Variants in NRXN3 observed in about 807,000 individuals in gnomAD.
The protein encoded by NRXN3 is neurexin III.
In NRXN3, 32 loss-of-function variants were observed where a neutral mutation model predicts 137.6. The ratio of observed to expected loss-of-function variants is 0.23; its 90% confidence interval spans 0.18 to 0.31. The LOEUF (loss-of-function observed/expected upper bound fraction) is 0.31, where lower values mean the gene tolerates loss of function less well. Among genes scored for constraint, NRXN3 ranks in the 10% least tolerant of loss-of-function variants. NRXN3 has a pLI of 1.00. For synonymous variants in NRXN3, 798 were observed against 784.5 expected (o/e 1.02, Z -0.29); for missense variants, 1,574 against 2,062.5 (o/e 0.76, Z 4.59).
chr14:78,257,392 A>G (rs1320631572), intron 2 of NRXN3, among the ~76,000 whole-genome samples: 1 of 152,244 alleles, frequency 6.6e-6, no homozygotes, highest in Non-Finnish European at 1.5e-5. Flanking sequence ...TTGTCAGGCA[A>G]AGAAGTATAT....
At chr14:78,948,260 T>C (rs1054793164) in intron 10 of NRXN3, among the ~76,000 whole-genome samples, 1 of 152,230 alleles carries the variant, frequency 6.6e-6, no homozygotes, top group Non-Finnish European at 1.5e-5. Context: ...TTGCCATGAA[T>C]GCCTCCCAGG....
rs532656376 is a variant in NRXN3, at chr14:79,632,564, C to A, written c.3445-31214C>A. Among the ~76,000 whole-genome samples, 4 of 152,288 alleles carry A rather than the reference C, an allele frequency of 2.6e-5. No homozygotes were observed. In the South Asian group the frequency reaches 8.3e-4, roughly 32 times the overall value. ...ATCATATGTGGTTGTTCACTGAGAG[C>A]AATCATTGACAGTCTCACCCATGTT... On this transcript the variant is annotated intron_variant, in intron 16 of 20. Coordinates refer to ENST00000335750, the MANE Select transcript of NRXN3 (RefSeq NM_001330195.2).
intron 15 of NRXN3, among the ~76,000 whole-genome samples, chr14:79,077,858 G>A (rs907247996): frequency 6.6e-6 from 1 of 152,104 alleles, no homozygotes; most frequent in African/African-American, 2.4e-5. Flanking sequence ...CTGTCAGGGA[G>A]AGTATAGCCC....
intron 16 of NRXN3, among the ~76,000 whole-genome samples, chr14:79,613,359 AT>A (rs1023669523): frequency 6.6e-6 from 1 of 152,208 alleles, no homozygotes; most frequent in Non-Finnish European, 1.5e-5. Context: ...TGTGTGTAAG[AT>A]TTGCTCAGAT....
chr14:79,538,389 T>A (rs936353938), intron 16 of NRXN3, among the ~76,000 whole-genome samples: 6 of 152,202 alleles, frequency 3.9e-5, no homozygotes, highest in African/African-American at 1.4e-4. Flanking sequence ...CTGAATGGTA[T>A]TGCCTAGGTT....
intron 15 of NRXN3, among the ~76,000 whole-genome samples, chr14:79,333,773 C>T (rs1395259027): frequency 6.6e-6 from 1 of 152,116 alleles, no homozygotes; most frequent in Non-Finnish European, 1.5e-5. Context: ...CTTATTTGGA[C>T]CTGATATTCT....
chr14:79,387,255 A>T (rs1359446442), intron 15 of NRXN3, among the ~76,000 whole-genome samples: 4 of 152,122 alleles, frequency 2.6e-5, no homozygotes, highest in Non-Finnish European at 5.9e-5. Flanking sequence ...CAAATTTACA[A>T]GAAAAAAACA....
At chr14:79,281,939 A>G (rs957399421) in intron 15 of NRXN3, 1 of 152,182 alleles carries the variant, frequency 6.6e-6, no homozygotes, top group African/African-American at 2.4e-5. Flanking sequence ...ATGCCAGCAC[A>G]TACTCTGGCT....
intron 4 of NRXN3, among the ~76,000 whole-genome samples, chr14:78,423,902 A>G (rs536668038): frequency 1.3e-4 from 20 of 152,344 alleles, no homozygotes; most frequent in African/African-American, 4.6e-4. Flanking sequence ...TTAAGGAAAT[A>G]TTGTTCCCGT....
chr14:79,504,985 T>C (rs111862753), intron 16 of NRXN3, among the ~76,000 whole-genome samples: 2,428 of 152,120 alleles, frequency 0.016, 69 homozygotes, highest in African/African-American at 0.056. Context: ...GAGGCCCAGG[T>C]GGGCAGATCA....
At chr14:78,416,051 C>A (rs1194708497) in intron 4 of NRXN3, among the ~76,000 whole-genome samples, 3 of 152,150 alleles carry the variant, frequency 2.0e-5, no homozygotes, top group Non-Finnish European at 4.4e-5. Context: ...ATAAGTAAAG[C>A]AAGTCACATG....
chr14:79,064,159 G>A (rs2099677717), intron 15 of NRXN3, among the ~76,000 whole-genome samples: 1 of 152,150 alleles, frequency 6.6e-6, no homozygotes, highest in South Asian at 2.1e-4. Flanking sequence ...TCATCTGTGA[G>A]CGGATTATTT....
intron 6 of NRXN3, among the ~76,000 whole-genome samples, chr14:78,685,271 A>G (rs1567055366): frequency 6.6e-6 from 1 of 152,174 alleles, no homozygotes; most frequent in East Asian, 1.9e-4. Context: ...TCCCAAGTCT[A>G]TAGCTCCCTA....
intron 11 of NRXN3, among the ~76,000 whole-genome samples, chr14:78,963,025 C>G (rs1355065808): frequency 6.6e-6 from 1 of 151,846 alleles, no homozygotes; most frequent in African/African-American, 2.4e-5. Context: ...CCTCCCCTCA[C>G]CAACTTTTAG....
chr14:79,072,922 G>A (rs887440113), intron 15 of NRXN3, among the ~76,000 whole-genome samples: 1 of 135,888 alleles, frequency 7.4e-6, no homozygotes, highest in African/African-American at 2.7e-5. Flanking sequence ...TTTCATTCCT[G>A]TCGCCCAGGC....
chr14:78,648,942 C>G (rs1442347141), intron 5 of NRXN3, among the ~76,000 whole-genome samples: 3 of 152,064 alleles, frequency 2.0e-5, no homozygotes, highest in Non-Finnish European at 1.5e-5. Flanking sequence ...GGTGCTAATT[C>G]TAACGGGTGA....
At chr14:78,762,892 A>G (rs2098697208) in intron 8 of NRXN3, among the ~76,000 whole-genome samples, 1 of 152,146 alleles carries the variant, frequency 6.6e-6, no homozygotes, top group South Asian at 2.1e-4. Context: ...GCATCACAAA[A>G]ACAGTGCCAT....
At chr14:78,443,422 C>T (rs2094320641) in intron 4 of NRXN3, among the ~76,000 whole-genome samples, 1 of 152,200 alleles carries the variant, frequency 6.6e-6, no homozygotes, top group Non-Finnish European at 1.5e-5. Flanking sequence ...TGGCATAAAT[C>T]TGCCACCTGA....
At chr14:79,511,449 G>A (rs527666334) in intron 16 of NRXN3, among the ~76,000 whole-genome samples, 11 of 152,292 alleles carry the variant, frequency 7.2e-5, no homozygotes, top group East Asian at 5.8e-4. Flanking sequence ...GAAGCATTGC[G>A]TCTCTAAGCA....
Sources: allele counts gnomAD v4.1 joint callset (sites outside exome capture counted in the v4.1 genomes callset), GRCh38; gene constraint gnomAD v4.1.1; transcripts MANE v1.5; gene names NCBI Gene and HGNC (gene_info 2026-07-23, HGNC 2026-07-21).